The following ANO3 variants were observed in gnomAD, a reference collection of about 807,000 sequenced individuals.
ANO3 encodes the protein anoctamin-3.
ANO3 carries 99 observed loss-of-function variants against 144.8 expected under a neutral mutation model. The ratio of observed to expected loss-of-function variants is 0.68; its 90% CI spans 0.58 to 0.81. The LOEUF is 0.81. Among genes scored for constraint, ANO3 ranks in the 30% least tolerant of loss-of-function variants. ANO3 has a pLI of 0.00. For missense variants in ANO3, 905 were observed against 1,202.2 expected, an observed-to-expected ratio of 0.75 and a Z score of 3.66; for synonymous variants, 414 against 392.6, an observed-to-expected ratio of 1.05 and a Z score of -0.64.
chr11:26,561,583 A>T (rs1850295196), intron 14 of ANO3, among the ~76,000 whole-genome samples: 1 of 139,380 alleles, frequency 7.2e-6, no homozygotes, highest in Non-Finnish European at 1.7e-5. Flanking sequence ...AGAATTTGTC[A>T]CTTCTGGTGT....
At chr11:26,289,628 G>GACATATACA (rs1853900035) in intron 1 of ANO3, among the ~76,000 whole-genome samples, 1 of 67,090 alleles carries the variant, frequency 1.5e-5, no homozygotes, top group Non-Finnish European at 2.6e-5. Context: ...CTATATGTGT[G>GACATATACA]TATATGTACA....
chr11:26,641,243 G>A (rs1482356951), intron 21 of ANO3, among the ~76,000 whole-genome samples: 1 of 152,108 alleles, frequency 6.6e-6, no homozygotes, highest in Non-Finnish European at 1.5e-5. Flanking sequence ...AGTAATTATT[G>A]TTCACTACAA....
chr11:26,610,091 A>G (rs994849066), intron 17 of ANO3, among the ~76,000 whole-genome samples: 5 of 151,712 alleles, frequency 3.3e-5, no homozygotes, highest in African/African-American at 9.7e-5. Flanking sequence ...TTGTATTTTT[A>G]GTAGAGGCGG....
At chr11:26,537,374 A>G (rs775815168) in intron 9 of ANO3, 32 bp from the exon 10 acceptor site, 1 of 1,543,506 alleles carries the variant, frequency 6.5e-7, no homozygotes, top group Middle Eastern at 1.7e-4. Flanking sequence ...ATTGAAACTA[A>G]CTCAATAACT....
intron 10 of ANO3, among the ~76,000 whole-genome samples, chr11:26,539,078 A>G (rs1849580405): frequency 6.6e-6 from 1 of 151,888 alleles, no homozygotes; most frequent in African/African-American, 2.4e-5. Context: ...GGGAAGAAGA[A>G]GAAATGTCTT....
intron 1 of ANO3, among the ~76,000 whole-genome samples, chr11:26,320,002 A>T (rs951291073): frequency 6.6e-6 from 1 of 152,168 alleles, no homozygotes; most frequent in African/African-American, 2.4e-5. Flanking sequence ...GATCAGAGAA[A>T]TGTCACGAAC....
In ANO3 at chr11:26,614,121, A is replaced by G. The variant is rs138178536; in HGVS notation, c.1837-10341A>G. Among the ~76,000 whole-genome samples the G allele has an allele frequency of 6.9e-4, 105 of 152,320 alleles. 1 individual carries two copies. The East Asian group carries it at 0.019, about 28-fold the overall frequency. On this transcript the variant is annotated intron_variant, in intron 17 of 26. Transcript: ENST00000256737. Reference sequence around the variant, plus strand: ...TGCAGGACCCGCTTTCAGGCTGTACATGAACATATGCAGGTGTTGGGGATG... The same window carrying G: ...TGCAGGACCCGCTTTCAGGCTGTACGTGAACATATGCAGGTGTTGGGGATG...
At chr11:26,211,962 A>C (rs564245050) in intron 1 of ANO3, among the ~76,000 whole-genome samples, 1 of 152,292 alleles carries the variant, frequency 6.6e-6, no homozygotes, top group South Asian at 2.1e-4. Flanking sequence ...ACAGGAACAG[A>C]AAACCAAACA....
chr11:26,322,114 T>C (rs1291510855), intron 1 of ANO3, among the ~76,000 whole-genome samples: 1 of 152,146 alleles, frequency 6.6e-6, no homozygotes, highest in African/African-American at 2.4e-5. Flanking sequence ...TCCTTCAGTT[T>C]ATGTACCGCA....
chr11:26,372,301 T>C (rs1261767888), intron 1 of ANO3, among the ~76,000 whole-genome samples: 1 of 152,196 alleles, frequency 6.6e-6, no homozygotes, highest in Non-Finnish European at 1.5e-5. Context: ...GAGTGTAAGT[T>C]TCCTGAGGCC....
intron 1 of ANO3, among the ~76,000 whole-genome samples, chr11:26,302,472 C>T (rs1854258332): frequency 6.6e-6 from 1 of 151,918 alleles, no homozygotes; most frequent in African/African-American, 2.4e-5. Context: ...TTCAGCCTGG[C>T]AACAGAGTGA....
At chr11:26,534,080 G>A (rs184598555) in intron 8 of ANO3, among the ~76,000 whole-genome samples, 1 of 152,106 alleles carries the variant, frequency 6.6e-6, no homozygotes, top group African/African-American at 2.4e-5. Context: ...CATTGTTAAG[G>A]CTCTGAAAAC....
chr11:26,268,772 T>C (rs577835416), intron 1 of ANO3, among the ~76,000 whole-genome samples: 4 of 152,186 alleles, frequency 2.6e-5, no homozygotes, highest in Admixed American at 6.5e-5. Flanking sequence ...CTAGCCTAAA[T>C]GATTTCACTG....
chr11:26,377,251 G>A (rs962917764), intron 1 of ANO3, among the ~76,000 whole-genome samples: 1 of 151,988 alleles, frequency 6.6e-6, no homozygotes, highest in African/African-American at 2.4e-5. Context: ...ACATGCATTG[G>A]CAAAACTAAA....
intron 14 of ANO3, among the ~76,000 whole-genome samples, chr11:26,578,194 A>G (rs181320275): frequency 6.6e-6 from 1 of 152,320 alleles, no homozygotes; most frequent in Admixed American, 6.5e-5. Context: ...TGAGTTTAAA[A>G]TCTTCATAGA....
chr11:26,592,012 G>A (rs528665619), intron 14 of ANO3, among the ~76,000 whole-genome samples: 8 of 152,266 alleles, frequency 5.3e-5, no homozygotes, highest in South Asian at 2.1e-4. Context: ...TGTCACCAGG[G>A]TGGAATAATT....
At chr11:26,476,606 G>A (rs1232614704) in intron 4 of ANO3, among the ~76,000 whole-genome samples, 1 of 151,964 alleles carries the variant, frequency 6.6e-6, no homozygotes, top group Non-Finnish European at 1.5e-5. Flanking sequence ...GTTTTTGGAC[G>A]ATCTCTGTTT....
At chr11:26,211,126 A>G (rs12796496) in intron 1 of ANO3, among the ~76,000 whole-genome samples, 45,920 of 151,948 alleles carry the variant, frequency 0.3, 7,677 homozygotes, top group Non-Finnish European at 0.37. Context: ...TCCTCAGCAA[A>G]TGCAAAAGAA....
rs1565144567 is a variant in ANO3, at chr11:26,615,416, T to TATA, written c.1837-9046_1837-9045insATA. Among the ~76,000 whole-genome samples, 248 of 86,784 alleles carry TATA rather than the reference T, an allele frequency of 2.9e-3. 3 individuals carry two copies. Among genetic ancestry groups the TATA allele is most frequent in the South Asian group, 5.4e-3 (13 of 2,410 alleles). The allele number at this position is 86,784 out of a possible 152,430, so 56.9% of individuals were successfully genotyped here. ...AGTTTATATATATATATATATATAT[T>TATA]TTTTTTTTTTCAGTTCCTCAATGGT... On this transcript the variant is annotated intron_variant, in intron 17 of 26. Transcript: ENST00000256737.
Sources: allele counts gnomAD v4.1 joint callset (sites outside exome capture counted in the v4.1 genomes callset), GRCh38; gene constraint gnomAD v4.1.1; transcripts MANE v1.5; gene names NCBI Gene and HGNC (gene_info 2026-07-23, HGNC 2026-07-21).